PACRG: variants seen among roughly 807,000 people sequenced by gnomAD.
PACRG encodes parkin coregulated.
PACRG carries 29 observed loss-of-function variants against 29.7 expected under a neutral mutation model. The ratio of observed to expected loss-of-function variants is 0.98; its 90% CI spans 0.73 to 1.33. The LOEUF (loss-of-function observed/expected upper bound fraction) is 1.33, where lower values mean the gene tolerates loss of function less well. Ranked by LOEUF, PACRG falls within the 40% of genes most tolerant of loss-of-function variation. The pLI is 0.00. For missense variants in PACRG, 279 were observed against 316.2 expected, an observed-to-expected ratio of 0.88 and a Z score of 0.89; for synonymous variants, 116 against 118.7, an observed-to-expected ratio of 0.98 and a Z score of 0.15.
intron 4 of PACRG, among the ~76,000 whole-genome samples, chr6:163,239,734 ACACT>A (rs1431131498): frequency 1.8e-4 from 25 of 139,038 alleles, no homozygotes; most frequent in Non-Finnish European, 3.6e-4. Flanking sequence ...ACATACACAC[ACACT>A]CACACTCCCA....
chr6:163,104,203 G>A (rs1003832453), intron 4 of PACRG, among the ~76,000 whole-genome samples: 1 of 152,106 alleles, frequency 6.6e-6, no homozygotes, highest in African/African-American at 2.4e-5. Context: ...AATATCTTGA[G>A]AAAAACTCTA....
At chr6:162,883,025 C>T (rs760904408) in intron 2 of PACRG, among the ~76,000 whole-genome samples, 2 of 152,204 alleles carry the variant, frequency 1.3e-5, no homozygotes, top group African/African-American at 4.8e-5. Flanking sequence ...GAGTTCCACT[C>T]CCTGTTGCAT....
intron 2 of PACRG, among the ~76,000 whole-genome samples, chr6:162,918,278 TCTGGAAGTG>T (rs1796833516): frequency 6.6e-6 from 1 of 152,214 alleles, no homozygotes; most frequent in African/African-American, 2.4e-5. Context: ...GCATAACGCC[TCTGGAAGTG>T]CATGTGACGT....
chr6:162,998,116 C>T (rs980383455), intron 2 of PACRG, among the ~76,000 whole-genome samples: 3 of 152,212 alleles, frequency 2.0e-5, no homozygotes, highest in African/African-American at 7.2e-5. Context: ...GAACTCTGTT[C>T]CGCTGGTAGT....
intron 1 of PACRG, among the ~76,000 whole-genome samples, chr6:162,801,340 C>T (rs1426764967): frequency 6.6e-6 from 1 of 151,862 alleles, no homozygotes; most frequent in African/African-American, 2.4e-5. Context: ...AACTCCTGAC[C>T]TCAGGTGATC....
At chr6:163,273,188 C>T (rs1164990024) in intron 4 of PACRG, among the ~76,000 whole-genome samples, 2 of 146,874 alleles carry the variant, frequency 1.4e-5, no homozygotes, top group East Asian at 1.9e-4. Context: ...CCACCGCGCC[C>T]GGCCTGCATC....
intron 1 of PACRG, among the ~76,000 whole-genome samples, chr6:162,783,236 T>A (rs754290250): frequency 3.3e-5 from 5 of 151,950 alleles, no homozygotes; most frequent in Non-Finnish European, 5.9e-5. Flanking sequence ...GAAAATATAT[T>A]TGTTTAAAGT....
chr6:163,286,909 T>C (rs1413608865), intron 4 of PACRG, among the ~76,000 whole-genome samples: 1 of 152,020 alleles, frequency 6.6e-6, no homozygotes, highest in African/African-American at 2.4e-5. Flanking sequence ...TGTAGGTGTG[T>C]ATTTGTATAT....
chr6:162,984,636 C>T (rs1213583171), intron 2 of PACRG, among the ~76,000 whole-genome samples: 1 of 151,936 alleles, frequency 6.6e-6, no homozygotes, highest in African/African-American at 2.4e-5. Context: ...TTCCCATCAA[C>T]AGTGTAATGT....
At chr6:162,785,682 G>A (rs558006148) in intron 1 of PACRG, among the ~76,000 whole-genome samples, 26 of 152,184 alleles carry the variant, frequency 1.7e-4, no homozygotes, top group Non-Finnish European at 2.9e-4. Flanking sequence ...TAGATCCCTT[G>A]CATGTGCAGT....
chr6:162,975,414 G>A (rs997117779), intron 2 of PACRG, among the ~76,000 whole-genome samples: 1 of 152,294 alleles, frequency 6.6e-6, no homozygotes, highest in Non-Finnish European at 1.5e-5. Context: ...TAGAGAATGC[G>A]ACAAGAAAAT....
chr6:163,147,386 T>C (rs1371044642), intron 4 of PACRG, among the ~76,000 whole-genome samples: 1 of 152,232 alleles, frequency 6.6e-6, no homozygotes, highest in Non-Finnish European at 1.5e-5. Flanking sequence ...TTAATCCTCA[T>C]GAAATCTGAC....
chr6:162,832,461 AT>A (rs1240395438), intron 2 of PACRG, among the ~76,000 whole-genome samples: 1 of 152,120 alleles, frequency 6.6e-6, no homozygotes, highest in Non-Finnish European at 1.5e-5. Context: ...TTGTTTCTAA[AT>A]TTTATTTTTA....
intron 4 of PACRG, among the ~76,000 whole-genome samples, chr6:163,167,721 G>A (rs1170252211): frequency 2.6e-5 from 4 of 152,134 alleles, no homozygotes; most frequent in Non-Finnish European, 4.4e-5. Flanking sequence ...AGAATCAAGG[G>A]CTAGATTCAC....
chr6:163,044,639 C>T (rs1437980919), intron 2 of PACRG: 2 of 152,192 alleles, frequency 1.3e-5, no homozygotes, highest in East Asian at 3.9e-4. Flanking sequence ...GACTTATCAT[C>T]GTCACTTACA....
Position 163,267,246 on chromosome 6 carries a change from T to A in PACRG, c.614-47581T>A, listed in dbSNP as rs544132573. On this transcript the variant is annotated intron_variant, in intron 4 of 4. Transcript: ENST00000366888. ...TTCTTCCATGAGCTCTGGGCTTCAC[T>A]GTCAGCACAGTCCCATCAGTGACGA... Among the ~76,000 whole-genome samples the A allele has an allele frequency of 4.9e-3, 745 of 152,348 alleles. 3 individuals are homozygous for A. The highest frequency in any genetic ancestry group is 0.017 in the Middle Eastern group (5 of 294).
At chr6:163,222,048 A>AC (rs1781601500) in intron 4 of PACRG, among the ~76,000 whole-genome samples, 1 of 152,166 alleles carries the variant, frequency 6.6e-6, no homozygotes, top group African/African-American at 2.4e-5. Context: ...CTGATGGAAC[A>AC]TTTTTCCTAA....
chr6:162,889,551 A>G lies in PACRG; in HGVS notation c.291+75270A>G, dbSNP rs57316943. Among the ~76,000 whole-genome samples the G allele has an allele frequency of 3.4e-3, 523 of 152,348 alleles. 2 individuals are homozygous for G. The highest frequency in any genetic ancestry group is 0.012 in the African/African-American group (499 of 41,588). ...CAGCCTTGTCAGAACAATGCTCTCCAGTGACTTTTTAAAGTCAGAGTAAAC... is the reference window on the plus strand; with the variant it reads ...CAGCCTTGTCAGAACAATGCTCTCCGGTGACTTTTTAAAGTCAGAGTAAAC... On this transcript the variant is annotated intron_variant, in intron 2 of 4. Coordinates refer to ENST00000366888, the MANE Select transcript of PACRG (RefSeq NM_001080379.2).
chr6:162,871,785 G>A (rs1792832795), intron 2 of PACRG, among the ~76,000 whole-genome samples: 1 of 152,032 alleles, frequency 6.6e-6, no homozygotes, highest in South Asian at 2.1e-4. Context: ...GGGCGTGGTA[G>A]CAGGCGCCTG....
Sources: allele counts gnomAD v4.1 joint callset (sites outside exome capture counted in the v4.1 genomes callset), GRCh38; gene constraint gnomAD v4.1.1; transcripts MANE v1.5; gene names NCBI Gene and HGNC (gene_info 2026-07-23, HGNC 2026-07-21).